UNC13C: variants seen among roughly 807,000 people sequenced by gnomAD.
The protein encoded by UNC13C is unc-13 homolog C.
A neutral mutation model predicts 245.4 loss-of-function variants in UNC13C; 174 were observed. The observed-to-expected ratio is 0.71, with a 90% CI of 0.63 to 0.80. The LOEUF (loss-of-function observed/expected upper bound fraction) is 0.80, where lower values mean the gene tolerates loss of function less well. Among genes scored for constraint, UNC13C ranks in the 30% least tolerant of loss-of-function variants. UNC13C has a pLI of 0.00. For missense variants in UNC13C, 2,829 were observed against 2,602.9 expected (o/e 1.09, Z -1.89); for synonymous variants, 992 against 895.1 (o/e 1.11, Z -1.93).
chr15:53,944,081 T>C, the UNC13C span, among the ~76,000 whole-genome samples: 2 of 146,912 alleles, frequency 1.4e-5, no homozygotes, highest in Non-Finnish European at 3.1e-5. Flanking sequence ...ATATCTGTCT[T>C]TTAGTTAGTT....
intron 17 of UNC13C, among the ~76,000 whole-genome samples, chr15:54,360,159 G>T (rs2039196835): frequency 6.6e-6 from 1 of 151,912 alleles, no homozygotes; most frequent in South Asian, 2.1e-4. Flanking sequence ...ATTGTAATCA[G>T]AAATGATACT....
At chr15:53,995,633 T>A (rs1012856296) in intron 1 of UNC13C, among the ~76,000 whole-genome samples, 2 of 151,844 alleles carry the variant, frequency 1.3e-5, no homozygotes, top group African/African-American at 4.8e-5. Flanking sequence ...TCTGGACGAG[T>A]CTTAATCATG....
chr15:54,260,175 C>T (rs1290042822), intron 8 of UNC13C, among the ~76,000 whole-genome samples: 1 of 152,046 alleles, frequency 6.6e-6, no homozygotes, highest in Non-Finnish European at 1.5e-5. Context: ...GACATATATG[C>T]AGGTAGCTAT....
At chr15:53,972,474 T>C in the UNC13C span, among the ~76,000 whole-genome samples, 1 of 152,242 alleles carries the variant, frequency 6.6e-6, no homozygotes, top group African/African-American at 2.4e-5. Context: ...AAATATGTTC[T>C]TGACTTGCTT....
intron 2 of UNC13C, among the ~76,000 whole-genome samples, chr15:54,098,013 T>C (rs1204962292): frequency 6.6e-6 from 1 of 152,136 alleles, no homozygotes; most frequent in African/African-American, 2.4e-5. Flanking sequence ...TGGAAAAGAA[T>C]ACAATTAGGT....
chr15:54,438,766 C>G (rs72736507), intron 19 of UNC13C, among the ~76,000 whole-genome samples: 23,563 of 151,698 alleles, frequency 0.16, 1,855 homozygotes, highest in Non-Finnish European at 0.17. Context: ...TCTCCTCAAA[C>G]CTGTTCTTTC....
intron 17 of UNC13C, among the ~76,000 whole-genome samples, chr15:54,366,742 T>G (rs2140875661): frequency 6.6e-6 from 1 of 152,300 alleles, no homozygotes; most frequent in East Asian, 1.9e-4. Context: ...TTATTAAGCA[T>G]CATCTTGGCA....
chr15:54,618,273 G>T (rs1465908049), intron 30 of UNC13C, among the ~76,000 whole-genome samples: 1 of 152,078 alleles, frequency 6.6e-6, no homozygotes, highest in Non-Finnish European at 1.5e-5. Context: ...CTCTGTCAGT[G>T]TATGCTCACA....
intron 2 of UNC13C, among the ~76,000 whole-genome samples, chr15:54,100,653 G>T (rs1900114928): frequency 6.6e-6 from 1 of 151,754 alleles, no homozygotes; most frequent in Non-Finnish European, 1.5e-5. Flanking sequence ...TTACCTACGT[G>T]AGAGGTGTTG....
chr15:53,950,506 T>C, the UNC13C span, among the ~76,000 whole-genome samples: 2 of 152,202 alleles, frequency 1.3e-5, no homozygotes, highest in South Asian at 2.1e-4. Flanking sequence ...AATTCTTCAG[T>C]ACTCTAATTT....
chr15:54,550,624 C>A (rs887458222), intron 28 of UNC13C, among the ~76,000 whole-genome samples: 4 of 152,012 alleles, frequency 2.6e-5, no homozygotes, highest in Admixed American at 2.6e-4. Flanking sequence ...CCACATTATC[C>A]CATTCCTAAC....
At chr15:54,089,961 G>A (rs771299665) in intron 2 of UNC13C, among the ~76,000 whole-genome samples, 4 of 152,196 alleles carry the variant, frequency 2.6e-5, no homozygotes, top group Non-Finnish European at 5.9e-5. Context: ...GAGAGAGAAT[G>A]CAGATTGCAG....
chr15:54,021,895 A>AC, intron 2 of UNC13C, among the ~76,000 whole-genome samples: 1 of 152,340 alleles, frequency 6.6e-6, no homozygotes, highest in African/African-American at 2.4e-5. Context: ...AACATGCTCT[A>AC]TATGTTAAAT....
the UNC13C span, among the ~76,000 whole-genome samples, chr15:53,932,147 A>T: frequency 6.6e-6 from 1 of 152,054 alleles, no homozygotes; most frequent in Non-Finnish European, 1.5e-5. Context: ...CATCTCTACT[A>T]AAAATACAAA....
chr15:54,184,006 AAAGT>A (rs2033886663), intron 4 of UNC13C, among the ~76,000 whole-genome samples: 1 of 152,138 alleles, frequency 6.6e-6, no homozygotes, highest in Non-Finnish European at 1.5e-5. Context: ...ACACTTTTAA[AAAGT>A]ACAAAAATTA....
chr15:54,315,916 A>C (rs2037996763), intron 13 of UNC13C, among the ~76,000 whole-genome samples: 1 of 151,180 alleles, frequency 6.6e-6, no homozygotes, highest in Admixed American at 6.6e-5. Flanking sequence ...TTTCCTCCTC[A>C]TCATCTACAC....
chr15:53,953,433 C>A, the UNC13C span, among the ~76,000 whole-genome samples: 4 of 152,324 alleles, frequency 2.6e-5, no homozygotes, highest in East Asian at 7.7e-4. Context: ...CTGTCCAATT[C>A]AACCCTAAGG....
At chr15:54,136,799 A>T (rs1455796387) in intron 2 of UNC13C, among the ~76,000 whole-genome samples, 2 of 151,920 alleles carry the variant, frequency 1.3e-5, no homozygotes, top group African/African-American at 4.8e-5. Context: ...ATCTATTCAG[A>T]TCATTATATA....
intron 2 of UNC13C, among the ~76,000 whole-genome samples, chr15:54,042,470 A>T (rs1896846599): frequency 6.6e-6 from 1 of 152,204 alleles, no homozygotes; most frequent in Non-Finnish European, 1.5e-5. Flanking sequence ...AGGGGAAGTG[A>T]AGAATCTTAT....
Sources: allele counts gnomAD v4.1 joint callset (sites outside exome capture counted in the v4.1 genomes callset), GRCh38; gene constraint gnomAD v4.1.1; transcripts MANE v1.5; gene names NCBI Gene and HGNC (gene_info 2026-07-23, HGNC 2026-07-21).